Variants in MCPH1 observed in about 807,000 individuals in gnomAD.
MCPH1 encodes microcephalin 1, also known as microcephalin.
A neutral mutation model predicts 84.5 loss-of-function variants in MCPH1; 104 were observed. That is an observed-to-expected ratio of 1.23 (90% CI 1.05 to 1.45). MCPH1 has a LOEUF of 1.45. Among genes scored for constraint, MCPH1 ranks in the 40% most tolerant of loss-of-function variants. The probability of loss-of-function intolerance (pLI) is 0.00; values close to 1 mark genes in which losing one functional copy is unlikely to be tolerated. For synonymous variants in MCPH1, 514 were observed against 366.8 expected, an observed-to-expected ratio of 1.40 and a Z score of -4.58; for missense variants, 1,498 against 1,005.7, an observed-to-expected ratio of 1.49 and a Z score of -6.62.
intron 11 of MCPH1, among the ~76,000 whole-genome samples, chr8:6,492,722 A>C (rs935970209): frequency 1.1e-4 from 14 of 122,426 alleles, no homozygotes; most frequent in African/African-American, 3.4e-4. Context: ...TTTTATATTA[A>C]ATTATCAAAT....
At chr8:6,514,219 T>A (rs1277464482) in intron 12 of MCPH1, among the ~76,000 whole-genome samples, 1 of 152,186 alleles carries the variant, frequency 6.6e-6, no homozygotes, top group Non-Finnish European at 1.5e-5. Context: ...TTTGAGAGTC[T>A]TACTCTGTTG....
In MCPH1 at chr8:6,513,788, C is replaced by T. The variant is rs368524229; in HGVS notation, c.2214+13859C>T. 3 of 1,613,890 alleles carry T rather than the reference C, an allele frequency of 1.9e-6. No homozygotes were observed. The highest frequency in any genetic ancestry group is 1.7e-6 in the Non-Finnish European group (2 of 1,179,978). On this transcript the variant is annotated intron_variant, in intron 12 of 13. Coordinates refer to ENST00000344683, the MANE Select transcript of MCPH1 (RefSeq NM_024596.5). ...TAAGCACATAGCGTTGCTGATTAGT[C>T]AGTTGCGAAACAAACTCATTTCCCA...
intron 3 of MCPH1, among the ~76,000 whole-genome samples, chr8:6,415,545 G>A (rs1250352995): frequency 6.6e-6 from 1 of 151,910 alleles, no homozygotes; most frequent in Non-Finnish European, 1.5e-5. Flanking sequence ...GTAGAGACGG[G>A]GTTTTATCAT....
chr8:6,546,159 T>C, intron 12 of MCPH1, among the ~76,000 whole-genome samples: 1 of 152,208 alleles, frequency 6.6e-6, no homozygotes, highest in Non-Finnish European at 1.5e-5. Flanking sequence ...GTGTGAAAAT[T>C]AAGTGGAATG....
chr8:6,411,705 T>A (rs2129551140), intron 2 of MCPH1, among the ~76,000 whole-genome samples: 1 of 152,346 alleles, frequency 6.6e-6, no homozygotes, highest in Non-Finnish European at 1.5e-5. Flanking sequence ...TTGTTATCAT[T>A]ATTGTTAATC....
At chr8:6,626,787 T>C in intron 13 of MCPH1, 1 of 985,012 alleles carries the variant, frequency 1.0e-6, no homozygotes, top group Non-Finnish European at 1.2e-6. Context: ...TCCTCAAGGG[T>C]CTGCGACATT....
Position 6,436,117 on chromosome 8 carries a change from T to C in MCPH1, c.391T>C (p.Phe131Leu). ...AAATGATAAGAGATTTCAGAAGAAA[T>C]TTGAGAAAATGGCTAAAGAGCTACA... Reference protein sequence around the residue: ...PENDKRFQKKFEKMAKELQRQ... With the variant: ...PENDKRFQKKLEKMAKELQRQ... Residue 131 changes from phenylalanine to leucine, a missense_variant, in exon 5 of 14, where the codon TTT becomes CTT. Coordinates refer to ENST00000344683, the MANE Select transcript of MCPH1 (RefSeq NM_024596.5). The C allele has an allele frequency of 3.7e-6, 6 of 1,613,846 alleles. No homozygotes were observed. Among genetic ancestry groups the C allele is most frequent in the Non-Finnish European group, 5.1e-6 (6 of 1,179,848 alleles).
At chr8:6,585,379 G>C (rs1291603775) in intron 12 of MCPH1, among the ~76,000 whole-genome samples, 1 of 152,190 alleles carries the variant, frequency 6.6e-6, no homozygotes, top group African/African-American at 2.4e-5. Flanking sequence ...AGCTGTGTGT[G>C]GCCACCACAG....
intron 8 of MCPH1, chr8:6,446,880 C>T (rs1804462573): frequency 2.0e-6 from 2 of 985,156 alleles, no homozygotes; most frequent in South Asian, 4.7e-5. Flanking sequence ...GAACACTGCC[C>T]CCCTGCGTCG....
rs542928756 is a variant in MCPH1, at chr8:6,413,012, G to C, written c.115-1753G>C. Among the ~76,000 whole-genome samples the C allele has an allele frequency of 3.9e-5, 6 of 152,230 alleles. No individual in the cohort carries two copies. The South Asian group carries it at 1.2e-3, about 32-fold the overall frequency. On this transcript the variant is annotated intron_variant, in intron 2 of 13. Coordinates refer to ENST00000344683, the MANE Select transcript of MCPH1 (RefSeq NM_024596.5). Reference sequence around the variant, plus strand: ...TTGGTATTTACCTTCATATTTCCAAGCATTGTACATATATTACTTCAGTAT... The same window carrying C: ...TTGGTATTTACCTTCATATTTCCAACCATTGTACATATATTACTTCAGTAT...
At chr8:6,464,561 A>G (rs1469111785) in intron 9 of MCPH1, among the ~76,000 whole-genome samples, 1 of 152,210 alleles carries the variant, frequency 6.6e-6, no homozygotes, top group Non-Finnish European at 1.5e-5. Flanking sequence ...ACGTGGTAGA[A>G]ATGAGGACCA....
intron 12 of MCPH1, among the ~76,000 whole-genome samples, chr8:6,503,936 C>A (rs1005961578): frequency 5.9e-5 from 9 of 152,142 alleles, no homozygotes; most frequent in African/African-American, 2.2e-4. Context: ...CACAGTAGTC[C>A]CCCCTTATCT....
At chr8:6,453,795 A>G (rs539344164) in intron 8 of MCPH1, among the ~76,000 whole-genome samples, 22 of 152,300 alleles carry the variant, frequency 1.4e-4, no homozygotes, top group African/African-American at 4.8e-4. Context: ...AGTCAGTGCA[A>G]GTCAACCATA....
At chr8:6,601,522 G>GAGACAC (rs1829358613) in intron 12 of MCPH1, among the ~76,000 whole-genome samples, 1 of 143,984 alleles carries the variant, frequency 6.9e-6, no homozygotes, top group Non-Finnish European at 1.5e-5. Flanking sequence ...CATCATATGG[G>GAGACAC]ACACACACAC....
chr8:6,412,535 C>A (rs570108474), intron 2 of MCPH1, among the ~76,000 whole-genome samples: 7 of 152,316 alleles, frequency 4.6e-5, no homozygotes, highest in African/African-American at 1.7e-4. Flanking sequence ...TAAAACCAGA[C>A]TACAGGCCTG....
rs138177853 is a variant in MCPH1 at position 6,610,917 on chromosome 8, C to G, written c.2215-10537C>G. The stretch of plus-strand genomic sequence containing the variant: ...CATATTACAAAATTGAAACTTGGGA[C>G]TTTTGAACTGCAAATTTAGCAGAAA... On this transcript the variant is annotated intron_variant, in intron 12 of 13. Coordinates refer to ENST00000344683, the MANE Select transcript of MCPH1 (RefSeq NM_024596.5). Among the ~76,000 whole-genome samples, 17 of 152,186 alleles carry G rather than the reference C, an allele frequency of 1.1e-4. No homozygotes were observed. The East Asian group carries it at 3.3e-3, about 29-fold the overall frequency.
At chr8:6,520,008 G>C (rs376445795) in intron 12 of MCPH1, 12 of 1,612,260 alleles carry the variant, frequency 7.4e-6, no homozygotes, top group Admixed American at 1.7e-5. Flanking sequence ...TTAAAAAATA[G>C]TAAGGCATTT....
chr8:6,505,739 A>G (rs1240221739), intron 12 of MCPH1, among the ~76,000 whole-genome samples: 1 of 134,398 alleles, frequency 7.4e-6, no homozygotes, highest in Non-Finnish European at 1.5e-5. Context: ...TTCTATATAT[A>G]TTCTTTATAT....
intron 8 of MCPH1, among the ~76,000 whole-genome samples, chr8:6,447,756 G>A (rs894070609): frequency 1.3e-5 from 2 of 152,098 alleles, no homozygotes; most frequent in Non-Finnish European, 1.5e-5. Flanking sequence ...TTCACGTCTT[G>A]GCCAGGCTGG....
Sources: allele counts gnomAD v4.1 joint callset (sites outside exome capture counted in the v4.1 genomes callset), GRCh38; gene constraint gnomAD v4.1.1; transcripts MANE v1.5; gene names NCBI Gene and HGNC (gene_info 2026-07-23, HGNC 2026-07-21).